The following POLR3GL variants were observed in gnomAD, a reference collection of about 807,000 sequenced individuals.
The protein encoded by POLR3GL is DNA-directed RNA polymerase III subunit RPC7-like.
POLR3GL carries 26 observed loss-of-function variants against 32.4 expected under a neutral mutation model. The ratio of observed to expected loss-of-function variants is 0.80; its 90% CI spans 0.59 to 1.11. The LOEUF is 1.11. Among genes scored for constraint, POLR3GL ranks in the 50% most tolerant of loss-of-function variants. The pLI is 0.00. For synonymous variants in POLR3GL, 95 were observed against 98.7 expected, an observed-to-expected ratio of 0.96 and a Z score of 0.22; for missense variants, 229 against 280.1, an observed-to-expected ratio of 0.82 and a Z score of 1.30.
At chr1:145,965,905 C>T (rs1260201148) in intron 1 of POLR3GL, among the ~76,000 whole-genome samples, 4 of 151,350 alleles carry the variant, frequency 2.6e-5, no homozygotes, top group Non-Finnish European at 5.9e-5. Flanking sequence ...CGCCTGAGGT[C>T]GGGAGTTGGA....
At chr1:145,967,840 A>G (rs1650108492) in intron 1 of POLR3GL, among the ~76,000 whole-genome samples, 1 of 152,244 alleles carries the variant, frequency 6.6e-6, no homozygotes, top group Non-Finnish European at 1.5e-5. Flanking sequence ...ACACCTAGTA[A>G]GCACTCAGTA....
chr1:145,978,156 C>A, intron 7 of POLR3GL, 60 bp downstream of exon 7: 1 of 1,560,394 alleles, frequency 6.4e-7, no homozygotes, highest in South Asian at 1.2e-5. Flanking sequence ...ACTAGGGTTG[C>A]TCTCCTCAGA....
chr1:145,975,206 C>A, intron 2 of POLR3GL, 101 bp from the exon 3 acceptor site: 1 of 1,478,256 alleles, frequency 6.8e-7, no homozygotes, highest in Non-Finnish European at 9.3e-7. Flanking sequence ...TCATTTGGCC[C>A]TCTGCTCAGT....
chr1:145,968,094 T>C (rs938178961), intron 1 of POLR3GL, among the ~76,000 whole-genome samples: 22 of 152,200 alleles, frequency 1.4e-4, no homozygotes, highest in Admixed American at 1.2e-3. Context: ...ACAATATATA[T>C]GTATGAATAA....
intron 4 of POLR3GL, 52 bp downstream of exon 4, chr1:145,977,204 C>T: frequency 6.8e-7 from 1 of 1,472,924 alleles, no homozygotes; most frequent in Admixed American, 1.7e-5. Context: ...GCATGGGATG[C>T]TTCAAGCTAT....
intron 1 of POLR3GL, among the ~76,000 whole-genome samples, chr1:145,971,980 AAAAAAAAAAAT>A (rs1217074982): frequency 3.1e-5 from 4 of 127,906 alleles, no homozygotes; most frequent in Non-Finnish European, 6.4e-5. Context: ...AAAAAAAAAA[AAAAAAAAAAAT>A]ATATATATAT....
intron 1 of POLR3GL, among the ~76,000 whole-genome samples, chr1:145,974,197 T>C (rs1241952241): frequency 2.0e-5 from 3 of 152,162 alleles, no homozygotes; most frequent in East Asian, 3.8e-4. Context: ...TACAATGAAA[T>C]TGATGACTCA....
At chr1:145,975,085 C>T (rs1553763212) in intron 2 of POLR3GL, 94 bp downstream of exon 2, 11 of 1,436,328 alleles carry the variant, frequency 7.7e-6, no homozygotes, top group Admixed American at 5.4e-5. Flanking sequence ...AAACCATCCT[C>T]GCTTTGGCCC....
At chr1:145,973,305 G>A (rs923139434) in intron 1 of POLR3GL, among the ~76,000 whole-genome samples, 10 of 151,998 alleles carry the variant, frequency 6.6e-5, no homozygotes, top group Non-Finnish European at 1.3e-4. Flanking sequence ...GTGAAAATTC[G>A]GTAGAAGGAG....
Position 145,970,334 on chromosome 1 carries a change from T to C in POLR3GL, c.-41-4491T>C, listed in dbSNP as rs1342460183. On this transcript the variant is annotated intron_variant, in intron 1 of 7. Transcript: ENST00000369314. ...CTAATTTTTTTATTTTTTGTAGAGATGGAATCTCACTATGTTGCCCCGGCT... is the reference window on the plus strand; with the variant it reads ...CTAATTTTTTTATTTTTTGTAGAGACGGAATCTCACTATGTTGCCCCGGCT... Among the ~76,000 whole-genome samples, 4 of 152,022 alleles carry C rather than the reference T, an allele frequency of 2.6e-5. No individual in the cohort carries two copies. The South Asian group carries it at 8.3e-4, about 32-fold the overall frequency.
intron 1 of POLR3GL, among the ~76,000 whole-genome samples, chr1:145,969,890 C>G (rs1185839952): frequency 6.7e-6 from 1 of 148,620 alleles, no homozygotes; most frequent in African/African-American, 2.5e-5. Flanking sequence ...CTGCACCACT[C>G]CAGCCTGGGT....
Position 145,977,818 on chromosome 1 carries a change from A to C in POLR3GL, c.423A>C (p.Thr141=). 6.2e-7 allele frequency: 1 copy of C among 1,614,102 alleles called. No homozygotes were observed. The highest frequency in any genetic ancestry group is 8.5e-7 in the Non-Finnish European group (1 of 1,179,916). ...ILLPKRPPKT[T]EDKEETIQKL... ...TCCCCAAGAGGCCCCCTAAGACCAC[A>C]GAAGATAAGGAGGAAACAATACAGA... is the stretch of plus-strand genomic sequence containing the variant. The change falls in exon 6 of 8, where the codon ACA becomes ACC. Residue 141 remains threonine, a synonymous_variant. Coordinates refer to ENST00000369314, the MANE Select transcript of POLR3GL (RefSeq NM_032305.3).
At chr1:145,976,051 G>A (rs1650538317) in intron 3 of POLR3GL, among the ~76,000 whole-genome samples, 1 of 152,124 alleles carries the variant, frequency 6.6e-6, no homozygotes, top group Admixed American at 6.6e-5. Flanking sequence ...GACATGGGTG[G>A]ATCACTTGAG....
chr1:145,966,849 C>T (rs1553762136), intron 1 of POLR3GL, among the ~76,000 whole-genome samples: 1 of 152,054 alleles, frequency 6.6e-6, no homozygotes, highest in Non-Finnish European at 1.5e-5. Flanking sequence ...TTTAACCATT[C>T]ATTTATTGTT....
rs781898190 is a variant in POLR3GL at position 145,978,031 on chromosome 1, A to AAAG, written c.519_521dup (p.Glu174dup). On this transcript the variant is annotated inframe_insertion, in exon 7 of 8. Transcript: ENST00000369314. ...AGTAACTTCAGAGGAGGATGAGGAGAAAGAAGAAGAAGAAGAGAAGGAAGA... is the reference window on the plus strand; with the variant it reads ...AGTAACTTCAGAGGAGGATGAGGAGAAAGAAGAAGAAGAAGAAGAGAAGGAAGA... The AAAG allele has an allele frequency of 3.1e-5, 49 of 1,602,550 alleles. No homozygotes were observed. The highest frequency in any genetic ancestry group is 3.7e-5 in the Non-Finnish European group (43 of 1,170,160).
Position 145,975,541 on chromosome 1 carries a change from T to C in POLR3GL, c.256+105T>C, listed in dbSNP as rs1236596378. 2.3e-6 allele frequency: 3 copies of C among 1,309,850 alleles called. No homozygotes were observed. In the African/African-American group the frequency reaches 4.4e-5, roughly 19 times the overall value. 81.1% of individuals were successfully genotyped at this position (1,309,850 alleles called of 1,614,324 possible). On this transcript the variant is annotated intron_variant, in intron 3 of 7. Transcript: ENST00000369314. ...GGGCACAGGAAGCATACTATCTAAC[T>C]GGGGAGATCATAATAGTTACCCCTG...
chr1:145,975,186 C>G, intron 2 of POLR3GL, 121 bp from the exon 3 acceptor site: 1 of 1,374,464 alleles, frequency 7.3e-7, no homozygotes, highest in South Asian at 1.4e-5. Flanking sequence ...ATATGTTACT[C>G]CCTCGATTGT....
chr1:145,970,129 T>G (rs1650213009), intron 1 of POLR3GL, among the ~76,000 whole-genome samples: 1 of 152,186 alleles, frequency 6.6e-6, no homozygotes, highest in South Asian at 2.1e-4. Flanking sequence ...CTTGGGAATT[T>G]TGAATTGCTA....
rs1297722785 is a variant in POLR3GL, at chr1:145,974,938, G to A, written c.73G>A (p.Gly25Arg). ...CTTCAACGTGGAGGCCGTGGGCATT[G>A]GGAAAGGGGATGCTTTGCCCCCACC... ...LTFNVEAVGI[G>R]KGDALPPPTL... The change falls in exon 2 of 8, where the codon GGG becomes AGG. Residue 25 changes from glycine (G) to arginine (R), a missense_variant. Transcript: ENST00000369314. The A allele has an allele frequency of 6.6e-7, 1 of 1,519,414 alleles. No individual in the cohort carries two copies. Among genetic ancestry groups the A allele is most frequent in the East Asian group, 2.5e-5 (1 of 39,588 alleles). The allele number at this position is 1,519,414 out of a possible 1,614,324, so 94.1% of individuals were successfully genotyped here. A position where few individuals can be genotyped will look rare whatever the true frequency, so the allele number is the denominator to read the frequency against.
Sources: allele counts gnomAD v4.1 joint callset (sites outside exome capture counted in the v4.1 genomes callset), GRCh38; gene constraint gnomAD v4.1.1; transcripts MANE v1.5; gene names NCBI Gene and HGNC (gene_info 2026-07-23, HGNC 2026-07-21).